The following GALNT10 variants were observed in gnomAD, a reference collection of about 807,000 sequenced individuals.
The protein encoded by GALNT10 is GalNAc transferase 10.
In GALNT10, 41 loss-of-function variants were observed where a neutral mutation model predicts 75.0. That is an observed-to-expected ratio of 0.55 (90% CI 0.43 to 0.71). GALNT10 has a LOEUF of 0.71. GALNT10 is among the 30% of genes least tolerant of loss of function. The pLI is 0.00. For synonymous variants in GALNT10, 302 were observed against 313.0 expected (o/e 0.96, Z 0.37); for missense variants, 727 against 818.5 (o/e 0.89, Z 1.36).
intron 4 of GALNT10, chr5:154,337,648 T>C: frequency 1.0e-6 from 1 of 989,008 alleles, no homozygotes; most frequent in Non-Finnish European, 1.6e-6. Flanking sequence ...CCAAAATCAT[T>C]GTAGCTTCCA....
At chr5:154,234,317 A>C (rs1051173518) in intron 1 of GALNT10, among the ~76,000 whole-genome samples, 5 of 152,170 alleles carry the variant, frequency 3.3e-5, no homozygotes, top group African/African-American at 1.2e-4. Context: ...TTTCCTACCC[A>C]GGGTCTTAGT....
At chr5:154,342,045 G>C (rs566383093) in intron 4 of GALNT10, among the ~76,000 whole-genome samples, 1 of 152,280 alleles carries the variant, frequency 6.6e-6, no homozygotes, top group South Asian at 2.1e-4. Flanking sequence ...GTAAGGTACT[G>C]CACCGTGACA....
At chr5:154,263,368 C>T (rs190880142) in intron 1 of GALNT10, among the ~76,000 whole-genome samples, 3 of 152,174 alleles carry the variant, frequency 2.0e-5, no homozygotes, top group East Asian at 3.9e-4. Flanking sequence ...ACCTTGAAAA[C>T]GTTATACTAC....
rs1480349221 is a variant in GALNT10, at chr5:154,420,095, G to A, written c.*3123G>A. 6.6e-6 allele frequency: 1 copy of A among 152,224 alleles called. No homozygotes were observed. Among genetic ancestry groups the A allele is most frequent in the African/African-American group, 2.4e-5 (1 of 41,454 alleles). 9.4% of individuals were successfully genotyped at this position (152,224 alleles called of 1,614,324 possible). On this transcript the variant is annotated 3_prime_UTR_variant, in exon 12 of 12. Coordinates refer to ENST00000297107, the MANE Select transcript of GALNT10 (RefSeq NM_198321.4). Reference sequence around the variant, plus strand: ...AAAGCCATCCCATCTTCTGCCTCCAGTTGGAGCTTTCAGCTGTTAAAACAG... The same window carrying A: ...AAAGCCATCCCATCTTCTGCCTCCAATTGGAGCTTTCAGCTGTTAAAACAG...
intron 1 of GALNT10, among the ~76,000 whole-genome samples, chr5:154,279,296 G>GTTTTTTTTTTTTTTTTTTTTTTTTT (rs111488218): frequency 1.2e-5 from 1 of 83,846 alleles, no homozygotes. Context: ...TGTTGTTGTT[G>GTTTTTTTTTTTTTTTTTTTTTTTTT]TTGTTTTGTT....
intron 4 of GALNT10, among the ~76,000 whole-genome samples, chr5:154,372,537 A>G (rs1755588425): frequency 6.6e-6 from 1 of 152,184 alleles, no homozygotes; most frequent in African/African-American, 2.4e-5. Context: ...ATCAGCAAGA[A>G]AGTACATAAG....
rs571563652 is a variant in GALNT10, at chr5:154,402,023, A to G, written c.1057-2081A>G. Among the ~76,000 whole-genome samples the G allele has an allele frequency of 2.0e-5, 3 of 152,208 alleles. No individual in the cohort carries two copies. The highest frequency in any genetic ancestry group is 2.9e-5 in the Non-Finnish European group (2 of 67,992). The stretch of plus-strand genomic sequence containing the variant: ...CCTCACCCAGGGTCAGGACGGTCTC[A>G]TATCAGGACGACTGCAAGAGCCTCC... On this transcript the variant is annotated intron_variant, in intron 7 of 11. Transcript: ENST00000297107. The surrounding 1 kb of genome is among the most constrained non-coding windows in gnomAD (Gnocchi z 4.2).
chr5:154,263,513 CTGAT>C (rs1473128224), intron 1 of GALNT10, among the ~76,000 whole-genome samples: 2 of 152,226 alleles, frequency 1.3e-5, no homozygotes, highest in African/African-American at 4.8e-5. Flanking sequence ...AGGGGAGTGA[CTGAT>C]TGTCTTAGTC....
intron 1 of GALNT10, among the ~76,000 whole-genome samples, chr5:154,279,059 A>C (rs1023547756): frequency 2.6e-5 from 4 of 152,200 alleles, no homozygotes; most frequent in Non-Finnish European, 4.4e-5. Context: ...TTTTAGATAC[A>C]TACCTAAAAT....
chr5:154,357,797 C>G (rs1052879342), intron 4 of GALNT10, among the ~76,000 whole-genome samples: 2 of 152,150 alleles, frequency 1.3e-5, no homozygotes, highest in African/African-American at 2.4e-5. Context: ...GGACTCCCAA[C>G]CCTCCAACCT....
At chr5:154,294,269 G>A (rs1754241545) in intron 1 of GALNT10, among the ~76,000 whole-genome samples, 1 of 152,126 alleles carries the variant, frequency 6.6e-6, no homozygotes, top group South Asian at 2.1e-4. Context: ...TGGAGTTCGA[G>A]GCTGCAGTGA....
intron 1 of GALNT10, among the ~76,000 whole-genome samples, chr5:154,218,725 G>T (rs1160588964): frequency 6.6e-6 from 1 of 151,984 alleles, no homozygotes; most frequent in African/African-American, 2.4e-5. Context: ...AGACAGAATT[G>T]GGGGGAGAGG....
At chr5:154,386,489 TA>T (rs773391429) in intron 7 of GALNT10, 59 bp downstream of exon 7, 1 of 1,062,750 alleles carries the variant, frequency 9.4e-7, no homozygotes, top group East Asian at 2.4e-5. Context: ...CCTGTCCCAG[TA>T]GGTGTCTCAG....
intron 1 of GALNT10, among the ~76,000 whole-genome samples, chr5:154,277,711 G>C (rs992183314): frequency 6.6e-6 from 1 of 152,158 alleles, no homozygotes; most frequent in African/African-American, 2.4e-5. Flanking sequence ...TTATAAAATA[G>C]TCTACAGTCT....
chr5:154,259,681 T>A (rs1385031107), intron 1 of GALNT10, among the ~76,000 whole-genome samples: 1 of 152,176 alleles, frequency 6.6e-6, no homozygotes, highest in African/African-American at 2.4e-5. Flanking sequence ...GTTGAGCCCC[T>A]AAGTCTCTGT....
At chr5:154,278,664 T>A (rs1188767580) in intron 1 of GALNT10, among the ~76,000 whole-genome samples, 1 of 152,216 alleles carries the variant, frequency 6.6e-6, no homozygotes, top group Non-Finnish European at 1.5e-5. Flanking sequence ...TATACCCAAT[T>A]TTTTAATGAT....
intron 6 of GALNT10, among the ~76,000 whole-genome samples, chr5:154,381,295 C>T (rs1399588556): frequency 2.6e-5 from 4 of 152,188 alleles, no homozygotes; most frequent in Non-Finnish European, 5.9e-5. Flanking sequence ...CAGCCCCTTG[C>T]AGATGAGGGA....
intron 7 of GALNT10, among the ~76,000 whole-genome samples, chr5:154,391,486 A>C (rs907676156): frequency 6.6e-6 from 1 of 152,172 alleles, no homozygotes; most frequent in African/African-American, 2.4e-5. Flanking sequence ...CTCTCAGCAG[A>C]GCAAAGTTCT....
intron 8 of GALNT10, among the ~76,000 whole-genome samples, chr5:154,406,530 C>T (rs1361298988): frequency 6.6e-6 from 1 of 152,180 alleles, no homozygotes; most frequent in Non-Finnish European, 1.5e-5. Context: ...GGCGTGGTGG[C>T]TCATGCCTGT....
Sources: gnomAD v4.1 joint callset for allele counts (sites outside exome capture counted in the v4.1 genomes callset) on GRCh38, gnomAD v4.1.1 for gene constraint, Gnocchi (gnomAD v3.1) non-coding constraint, MANE v1.5 for transcripts, NCBI Gene and HGNC (gene_info 2026-07-23, HGNC 2026-07-21) for gene names.